Variants in PPP2R2B observed in about 807,000 individuals in gnomAD.
PPP2R2B encodes serine/threonine-protein phosphatase 2A 55 kDa regulatory subunit B beta isoform.
In PPP2R2B, 5 loss-of-function variants were observed where a neutral mutation model predicts 46.0. The ratio of observed to expected loss-of-function variants is 0.11; its 90% CI spans 0.06 to 0.23. The LOEUF (loss-of-function observed/expected upper bound fraction) is 0.23, where lower values mean the gene tolerates loss of function less well. Among genes scored for constraint, PPP2R2B ranks in the 10% least tolerant of loss-of-function variants. The probability of loss-of-function intolerance (pLI) is 1.00; values close to 1 mark genes in which losing one functional copy is unlikely to be tolerated. For synonymous variants in PPP2R2B, 215 were observed against 206.7 expected (o/e 1.04, Z -0.34); for missense variants, 367 against 575.0 (o/e 0.64, Z 3.70).
intron 2 of PPP2R2B, among the ~76,000 whole-genome samples, chr5:146,748,625 G>A (rs1006618232): frequency 2.0e-5 from 3 of 152,214 alleles, no homozygotes; most frequent in African/African-American, 4.8e-5. Flanking sequence ...GGTACATCCA[G>A]TAGTACATAA....
In PPP2R2B at chr5:146,878,080, G is replaced by A. The variant is rs1561981492; in HGVS notation, c.-9C>T. 1.9e-6 allele frequency: 3 copies of A among 1,614,226 alleles called. No homozygotes were observed. Among genetic ancestry groups the A allele is most frequent in the Non-Finnish European group, 2.5e-6 (3 of 1,180,040 alleles). On this transcript the variant is annotated 5_prime_UTR_variant, in exon 2 of 10. Transcript: ENST00000394411. The surrounding 1 kb of genome is among the most constrained non-coding windows in gnomAD (Gnocchi z 4.5). The stretch of plus-strand genomic sequence containing the variant: ...TCAATGTCCTCCTCCATTGACAGCA[G>A]GCTTACTTGCGTGGGAACCAGAAGC...
intron 1 of PPP2R2B, among the ~76,000 whole-genome samples, chr5:147,009,358 C>T (rs1554084636): frequency 1.3e-5 from 2 of 151,940 alleles, no homozygotes; most frequent in Non-Finnish European, 1.5e-5. Flanking sequence ...TCCCTTTTGC[C>T]TATATACTTC....
Position 146,738,224 on chromosome 5 carries a change from G to A in PPP2R2B, c.71-37082C>T, listed in dbSNP as rs186164139. On this transcript the variant is annotated intron_variant, in intron 2 of 9. Transcript: ENST00000394411. ...ATCGTGGCTAACACAGTGAAACCCC[G>A]TCTCTACTAAATATACAAAAAATTA... Among the ~76,000 whole-genome samples the A allele has an allele frequency of 3.1e-3, 471 of 151,644 alleles. 10 individuals are homozygous for A. The highest frequency in any genetic ancestry group is 7.5e-4 in the Non-Finnish European group (51 of 67,912).
intron 2 of PPP2R2B, among the ~76,000 whole-genome samples, chr5:146,859,593 T>G (rs1760866430): frequency 6.6e-6 from 1 of 152,184 alleles, no homozygotes; most frequent in Non-Finnish European, 1.5e-5. Context: ...ACACATGTAC[T>G]TCTAAACCTA....
At chr5:146,939,073 C>A (rs1215174436) in intron 1 of PPP2R2B, among the ~76,000 whole-genome samples, 2 of 152,018 alleles carry the variant, frequency 1.3e-5, no homozygotes, top group East Asian at 3.9e-4. Context: ...GGAAAATTAA[C>A]TCCCTTGTCT....
At chr5:146,594,625 T>C (rs1032624628) in intron 8 of PPP2R2B, among the ~76,000 whole-genome samples, 1 of 152,192 alleles carries the variant, frequency 6.6e-6, no homozygotes, top group Non-Finnish European at 1.5e-5. Flanking sequence ...TAATGGAGCA[T>C]GAAGCACAGA....
At chr5:146,609,726 G>T (rs1772673774) in intron 7 of PPP2R2B, among the ~76,000 whole-genome samples, 1 of 146,114 alleles carries the variant, frequency 6.8e-6, no homozygotes, top group Non-Finnish European at 1.5e-5. Flanking sequence ...CAAAGAAAGG[G>T]GTGACGGACG....
chr5:146,999,013 C>CAAAAAAAAA (rs60753702), intron 1 of PPP2R2B, among the ~76,000 whole-genome samples: 3 of 65,312 alleles, frequency 4.6e-5, no homozygotes, highest in African/African-American at 6.5e-5. Flanking sequence ...GACTCCATAT[C>CAAAAAAAAA]AAAAAAAAAA....
At chr5:146,820,166 T>C (rs1758170614) in intron 2 of PPP2R2B, among the ~76,000 whole-genome samples, 1 of 152,148 alleles carries the variant, frequency 6.6e-6, no homozygotes, top group African/African-American at 2.4e-5. Context: ...AACAATAAGA[T>C]ATTGTAATTT....
intron 2 of PPP2R2B, among the ~76,000 whole-genome samples, chr5:146,755,686 A>G (rs766128542): frequency 6.6e-6 from 1 of 152,222 alleles, no homozygotes; most frequent in Non-Finnish European, 1.5e-5. Context: ...GTTTAAAATC[A>G]AAGAGGTTTT....
chr5:146,623,037 T>C (rs1773811782), intron 7 of PPP2R2B, among the ~76,000 whole-genome samples: 1 of 152,232 alleles, frequency 6.6e-6, no homozygotes, highest in South Asian at 2.1e-4. Flanking sequence ...ATTCAATAAC[T>C]ACAATTTAGT....
chr5:146,697,272 G>C (rs1043947918), intron 4 of PPP2R2B, among the ~76,000 whole-genome samples: 1 of 152,140 alleles, frequency 6.6e-6, no homozygotes, highest in Admixed American at 6.5e-5. Context: ...AAGTTGTTTT[G>C]AGCTTAGATG....
Position 146,734,471 on chromosome 5 carries a change from C to A in PPP2R2B, c.71-33329G>T, listed in dbSNP as rs144700434. Among the ~76,000 whole-genome samples, 27 of 152,312 alleles carry A rather than the reference C, an allele frequency of 1.8e-4. No individual in the cohort carries two copies. In the East Asian group the frequency reaches 5.2e-3, roughly 29 times the overall value. On this transcript the variant is annotated intron_variant, in intron 2 of 9. Transcript: ENST00000394411. ...CTTTGCAGGTGAGGAAACTGAGGCA[C>A]AGACTGGTTACTTATGGTCCTACAA...
At chr5:146,949,794 A>G (rs1401954198) in intron 1 of PPP2R2B, among the ~76,000 whole-genome samples, 1 of 152,106 alleles carries the variant, frequency 6.6e-6, no homozygotes, top group Admixed American at 6.6e-5. Flanking sequence ...TAAAGAAAAC[A>G]TGGTACCTAT....
intron 6 of PPP2R2B, among the ~76,000 whole-genome samples, chr5:146,647,162 A>G (rs1341909224): frequency 2.6e-5 from 4 of 152,338 alleles, no homozygotes; most frequent in Admixed American, 6.5e-5. Flanking sequence ...TGTAATCTAA[A>G]TAGATTTTGA....
chr5:147,033,878 C>T (rs1755909801), intron 1 of PPP2R2B, among the ~76,000 whole-genome samples: 1 of 151,992 alleles, frequency 6.6e-6, no homozygotes. Context: ...GTATTCTTGC[C>T]TCCTACTCTT....
chr5:146,805,872 T>C (rs1757147385), intron 2 of PPP2R2B, among the ~76,000 whole-genome samples: 1 of 152,142 alleles, frequency 6.6e-6, no homozygotes, highest in Admixed American at 6.5e-5. Context: ...TTCCCTTAAT[T>C]ATCGGCAGCT....
intron 2 of PPP2R2B, among the ~76,000 whole-genome samples, chr5:146,845,409 C>T (rs1003804433): frequency 6.7e-6 from 1 of 150,004 alleles, no homozygotes; most frequent in African/African-American, 2.5e-5. Flanking sequence ...AGGTTCATGC[C>T]TGGCTAAATT....
At position 146,581,434 on chromosome 5, in the gene PPP2R2B, T is replaced by A. The variant is rs1769889625; in HGVS notation, c.*8513A>T. On this transcript the variant is annotated 3_prime_UTR_variant, in exon 10 of 10. Transcript: ENST00000394411. ...TGAGAAATCCACCTCCACGATCCAA[T>A]CACCTCCCACCTGGCCCCACCTCAA... is the stretch of plus-strand genomic sequence containing the variant. 6.6e-6 allele frequency: 1 copy of A among 152,076 alleles called. No homozygotes were observed. Among genetic ancestry groups the A allele is most frequent in the Non-Finnish European group, 1.5e-5 (1 of 68,006 alleles). 9.4% of individuals were successfully genotyped at this position (152,076 alleles called of 1,614,324 possible).
Sources: allele counts gnomAD v4.1 joint callset (sites outside exome capture counted in the v4.1 genomes callset), GRCh38; gene constraint gnomAD v4.1.1; non-coding constraint Gnocchi (gnomAD v3.1); transcripts MANE v1.5; gene names NCBI Gene and HGNC (gene_info 2026-07-23, HGNC 2026-07-21).